Variants in ATMIN observed in about 807,000 individuals in gnomAD.
The protein encoded by ATMIN is ATM INteracting protein.
A neutral mutation model predicts 49.2 loss-of-function variants in ATMIN; 24 were observed. The observed-to-expected ratio is 0.49, with a 90% CI of 0.35 to 0.69. ATMIN has a LOEUF of 0.69. Ranked by LOEUF, ATMIN falls within the 30% of genes least tolerant of loss-of-function variation. ATMIN has a pLI of 0.00. For missense variants in ATMIN, 1,037 were observed against 1,005.5 expected (o/e 1.03, Z -0.42); for synonymous variants, 450 against 392.5 (o/e 1.15, Z -1.73).
chr16:81,039,846 A>G (rs1453208805), intron 1 of ATMIN, among the ~76,000 whole-genome samples: 1 of 152,200 alleles, frequency 6.6e-6, no homozygotes, highest in Non-Finnish European at 1.5e-5. Flanking sequence ...TAAGGAAAGG[A>G]AAGGTTCCAA....
Position 81,042,330 on chromosome 16 carries a change from G to T in ATMIN, c.512G>T (p.Ser171Ile). 6.2e-7 allele frequency: 1 copy of T among 1,614,102 alleles called. No individual in the cohort carries two copies. The highest frequency in any genetic ancestry group is 8.5e-7 in the Non-Finnish European group (1 of 1,180,032). The change falls in exon 3 of 4, where the codon AGC becomes ATC. Residue 171 changes from serine to isoleucine, a missense_variant. Coordinates refer to ENST00000299575, the MANE Select transcript of ATMIN (RefSeq NM_015251.3). ...AEKKHKCSKCSNSYGTEWDLK... is the reference protein window; with the variant it reads ...AEKKHKCSKCINSYGTEWDLK... ...AAGAAGCACAAATGTAGTAAGTGCA[G>T]CAATTCGTACGGTACAGAATGGGAC...
intron 1 of ATMIN, among the ~76,000 whole-genome samples, chr16:81,036,423 C>A (rs1334155180): frequency 6.6e-6 from 1 of 152,064 alleles, no homozygotes; most frequent in Non-Finnish European, 1.5e-5. Context: ...GAGCTGGGAG[C>A]CCCGGGTCCG....
At chr16:81,038,081 G>C (rs11865195) in intron 1 of ATMIN, among the ~76,000 whole-genome samples, 1 of 152,100 alleles carries the variant, frequency 6.6e-6, no homozygotes, top group Non-Finnish European at 1.5e-5. Flanking sequence ...GATACCATTT[G>C]CCTTTCAGGA....
intron 3 of ATMIN, 121 bp from the exon 4 acceptor site, chr16:81,043,040 C>G: frequency 1.6e-6 from 2 of 1,227,988 alleles, no homozygotes; most frequent in Non-Finnish European, 2.2e-6. Context: ...TTTATCTTGT[C>G]TGGGTTGAAC....
chr16:81,041,177 C>A, intron 1 of ATMIN, 179 bp from the exon 2 acceptor site: 1 of 589,478 alleles, frequency 1.7e-6, no homozygotes, highest in East Asian at 3.1e-5. Flanking sequence ...GCTTAGTATT[C>A]TCACCACATT....
chr16:81,042,396 G>C lies in ATMIN; in HGVS notation c.578G>C (p.Cys193Ser). Residue 193 changes from cysteine (C) to serine (S), a missense_variant, in exon 3 of 4, where the codon TGC becomes TCC. Coordinates refer to ENST00000299575, the MANE Select transcript of ATMIN (RefSeq NM_015251.3). ...GAGGACTGTGGCAAGACCTTCCGGT[G>C]CACATGCGGCTGTCCCTACGCCAGT... is the stretch of plus-strand genomic sequence containing the variant. ...HAEDCGKTFR[C>S]TCGCPYASRT... The C allele has an allele frequency of 6.2e-7, 1 of 1,614,166 alleles. No homozygotes were observed. The highest frequency in any genetic ancestry group is 8.5e-7 in the Non-Finnish European group (1 of 1,180,026).
At chr16:81,036,403 G>A (rs12935418) in intron 1 of ATMIN, among the ~76,000 whole-genome samples, 197 bp downstream of exon 1, 9 of 151,966 alleles carry the variant, frequency 5.9e-5, no homozygotes, top group Non-Finnish European at 7.4e-5. Flanking sequence ...CGGCCTCTGG[G>A]GGGGAGGAGG....
Position 81,044,333 on chromosome 16 carries a change from T to A in ATMIN, c.1835T>A (p.Leu612His). 6.2e-7 allele frequency: 1 copy of A among 1,614,172 alleles called. No homozygotes were observed. Among genetic ancestry groups the A allele is most frequent in the African/African-American group, 1.3e-5 (1 of 75,056 alleles). ...GCTCAGACATTGGATCATCGTAGTCTTTTGTCTGACACAAATCCTGGACCT... is the reference window on the plus strand; with the variant it reads ...GCTCAGACATTGGATCATCGTAGTCATTTGTCTGACACAAATCCTGGACCT... ...LPAQTLDHRS[L>H]LSDTNPGPDT... The change falls in exon 4 of 4, where the codon CTT becomes CAT. Residue 612 changes from leucine (L) to histidine (H), a missense_variant. Physicochemically the swap from Leu to His is moderately conservative, Grantham distance 99. Transcript: ENST00000299575.
At chr16:81,041,755 C>T (rs1242744012) in intron 2 of ATMIN, 3 of 299,934 alleles carry the variant, frequency 1.0e-5, no homozygotes, top group African/African-American at 6.5e-5. Context: ...TCGCAGATCT[C>T]CTGTGTGAGT....
rs1376729894 is a variant in ATMIN, at chr16:81,043,622, T to C, written c.1124T>C (p.Ile375Thr). ...SLPLFKIANP[I>T]AGEPISTGVQ... is the part of the protein sequence containing the mutation. ...CCTCTTTTCAAAATTGCTAATCCTA[T>C]TGCTGGTGAGCCAATAAGTACTGGT... Residue 375 changes from isoleucine (I) to threonine (T), a missense_variant, in exon 4 of 4, where the codon ATT (isoleucine) becomes ACT (threonine). Transcript: ENST00000299575. The C allele has an allele frequency of 1.2e-6, 2 of 1,614,226 alleles. No individual in the cohort carries two copies. Among genetic ancestry groups the C allele is most frequent in the African/African-American group, 1.3e-5 (1 of 75,068 alleles).
In ATMIN at chr16:81,044,332, C is replaced by T; in HGVS notation, c.1834C>T (p.Leu612Phe). The change falls in exon 4 of 4, where the codon CTT becomes TTT. Residue 612 changes from leucine (L) to phenylalanine (F), a missense_variant. Transcript: ENST00000299575. The stretch of plus-strand genomic sequence containing the variant: ...TGCTCAGACATTGGATCATCGTAGT[C>T]TTTTGTCTGACACAAATCCTGGACC... ...LPAQTLDHRS[L>F]LSDTNPGPDT... The T allele has an allele frequency of 6.2e-7, 1 of 1,614,170 alleles. No individual in the cohort carries two copies. The highest frequency in any genetic ancestry group is 8.5e-7 in the Non-Finnish European group (1 of 1,180,014).
Position 81,044,152 on chromosome 16 carries a change from C to G in ATMIN, c.1654C>G (p.Pro552Ala), listed in dbSNP as rs376735065. 3 of 1,614,154 alleles carry G rather than the reference C, an allele frequency of 1.9e-6. No homozygotes were observed. Among genetic ancestry groups the G allele is most frequent in the Non-Finnish European group, 2.5e-6 (3 of 1,180,032 alleles). Residue 552 changes from proline to alanine, a missense_variant, in exon 4 of 4, where the codon CCT becomes GCT. Physicochemically the swap from Pro to Ala is conservative, Grantham distance 27. Coordinates refer to ENST00000299575, the MANE Select transcript of ATMIN (RefSeq NM_015251.3). ...TCATAGTTTGTTACCTCAGAATGAGCCTAAGACTTTAAATCAAGATATTGA... is the reference window on the plus strand; with the variant it reads ...TCATAGTTTGTTACCTCAGAATGAGGCTAAGACTTTAAATCAAGATATTGA... ...VTHSLLPQNE[P>A]KTLNQDIEKS...
rs541174089 is a variant in ATMIN, at chr16:81,044,129, A to G, written c.1631A>G (p.His544Arg). The G allele has an allele frequency of 5.0e-5, 81 of 1,614,250 alleles. No homozygotes were observed. In the African/African-American group the frequency reaches 5.3e-4, roughly 11 times the overall value. The change falls in exon 4 of 4, where the codon CAT becomes CGT. Residue 544 changes from histidine to arginine, a missense_variant. Transcript: ENST00000299575. ...SNSLVAETVTHSLLPQNEPKT... is the reference protein window; with the variant it reads ...SNSLVAETVTRSLLPQNEPKT... ...AGTTTAGTAGCAGAGACAGTAACTCATAGTTTGTTACCTCAGAATGAGCCT... is the reference window on the plus strand; with the variant it reads ...AGTTTAGTAGCAGAGACAGTAACTCGTAGTTTGTTACCTCAGAATGAGCCT...
chr16:81,041,207 T>A (rs1487343490), intron 1 of ATMIN, 149 bp from the exon 2 acceptor site: 10 of 812,656 alleles, frequency 1.2e-5, no homozygotes, highest in Non-Finnish European at 1.9e-5. Flanking sequence ...CTACTCATAC[T>A]CTTTTTCTCT....
chr16:81,036,071 G>A lies in ATMIN; in HGVS notation c.201G>A (p.Glu67=), dbSNP rs755757339. ...QPAVPAPPAG[E]LIQPSVSELS... ...CTGTCCCCGCGCCGCCGGCGGGGGA[G>A]CTGATCCAGCCGTCGGTGAGCGAGC... Residue 67 remains glutamate, a synonymous_variant, in exon 1 of 4, where the codon GAG becomes GAA. Coordinates refer to ENST00000299575, the MANE Select transcript of ATMIN (RefSeq NM_015251.3). 3.2e-5 allele frequency: 42 copies of A among 1,321,214 alleles called. No individual in the cohort carries two copies. In the African/African-American group the frequency reaches 5.6e-4, roughly 18 times the overall value. 81.8% of individuals were successfully genotyped at this position (1,321,214 alleles called of 1,614,324 possible).
At chr16:81,041,257 AT>A (rs1304030744) in intron 1 of ATMIN, 98 bp from the exon 2 acceptor site, 1 of 1,315,578 alleles carries the variant, frequency 7.6e-7, no homozygotes, top group African/African-American at 1.5e-5. Flanking sequence ...AATTAAAAGT[AT>A]TTCACAAAAT....
At chr16:81,042,526 G>A (rs1271027507) in intron 3 of ATMIN, 46 bp downstream of exon 3, 1 of 1,580,596 alleles carries the variant, frequency 6.3e-7, no homozygotes, top group Non-Finnish European at 8.7e-7. Flanking sequence ...GCTATGGGAA[G>A]CATTTCAGAT....
Position 81,045,136 on chromosome 16 carries a change from A to G in ATMIN, c.*166A>G. ...TGTACTTGTAAACAGAAATTTGCGT[A>G]TAAATGTGAGTGTATTATAAAGTTT... On this transcript the variant is annotated 3_prime_UTR_variant, in exon 4 of 4. Coordinates refer to ENST00000299575, the MANE Select transcript of ATMIN (RefSeq NM_015251.3). 1 of 911,016 alleles carries G rather than the reference A, an allele frequency of 1.1e-6. No homozygotes were observed. Among genetic ancestry groups the G allele is most frequent in the Non-Finnish European group, 1.6e-6 (1 of 628,086 alleles). 56.4% of individuals were successfully genotyped at this position (911,016 alleles called of 1,614,324 possible).
At chr16:81,038,170 G>C (rs1024753722) in intron 1 of ATMIN, among the ~76,000 whole-genome samples, 1 of 150,510 alleles carries the variant, frequency 6.6e-6, no homozygotes, top group Non-Finnish European at 1.5e-5. Context: ...TCACTCTGTC[G>C]CCCAGGCTGG....
Sources: gnomAD v4.1 joint callset for allele counts (sites outside exome capture counted in the v4.1 genomes callset) on GRCh38, gnomAD v4.1.1 for gene constraint, MANE v1.5 for transcripts, NCBI Gene and HGNC (gene_info 2026-07-23, HGNC 2026-07-21) for gene names.